The following NEK11 variants were observed in gnomAD, a reference collection of about 807,000 sequenced individuals.
NEK11 encodes serine/threonine-protein kinase Nek11.
NEK11 carries 72 observed loss-of-function variants against 80.7 expected under a neutral mutation model. The observed-to-expected ratio is 0.89, with a 90% CI of 0.74 to 1.08. NEK11 has a LOEUF of 1.08. Among genes scored for constraint, NEK11 ranks in the 50% least tolerant of loss-of-function variants. The pLI is 0.00. For missense variants in NEK11, 764 were observed against 763.6 expected (o/e 1.00, Z -0.01); for synonymous variants, 251 against 260.7 (o/e 0.96, Z 0.36).
At chr3:131,337,685 A>T (rs898516093) in intron 17 of NEK11, among the ~76,000 whole-genome samples, 2 of 152,104 alleles carry the variant, frequency 1.3e-5, no homozygotes, top group Non-Finnish European at 2.9e-5. Context: ...AAATTGTTCC[A>T]GAAGTTAATG....
intron 17 of NEK11, among the ~76,000 whole-genome samples, chr3:131,309,609 AT>A (rs11381029): frequency 1.3e-3 from 198 of 149,254 alleles, no homozygotes; most frequent in African/African-American, 4.0e-3. Flanking sequence ...AATGCTTTCT[AT>A]TTTTTTTTTT....
intron 10 of NEK11, among the ~76,000 whole-genome samples, chr3:131,156,007 A>T (rs1020468732): frequency 6.6e-6 from 1 of 152,198 alleles, no homozygotes; most frequent in African/African-American, 2.4e-5. Context: ...CGAAATTTCC[A>T]ATTGTATTTT....
chr3:131,274,987 G>A (rs1294634713), intron 17 of NEK11, among the ~76,000 whole-genome samples: 3 of 151,246 alleles, frequency 2.0e-5, no homozygotes, highest in African/African-American at 7.3e-5. Flanking sequence ...CATTCTAACT[G>A]GTGTGAGATG....
chr3:131,140,688 A>C (rs2086693740), intron 7 of NEK11, among the ~76,000 whole-genome samples: 1 of 152,180 alleles, frequency 6.6e-6, no homozygotes, highest in African/African-American at 2.4e-5. Context: ...CAAAAGGCTC[A>C]ATAAATTGCT....
intron 3 of NEK11, among the ~76,000 whole-genome samples, chr3:131,076,110 G>A (rs2074305219): frequency 2.6e-5 from 4 of 152,206 alleles, no homozygotes; most frequent in Non-Finnish European, 4.4e-5. Flanking sequence ...AAGCTCAAGA[G>A]AGGCTGGGAG....
rs141484842 is a variant in NEK11 at position 131,049,799 on chromosome 3, A to G, written c.170+19921A>G. 1.1e-4 allele frequency among the ~76,000 whole-genome samples: 16 copies of G among 152,280 alleles called. No homozygotes were observed. The East Asian group carries it at 3.1e-3, about 29-fold the overall frequency. On this transcript the variant is annotated intron_variant, in intron 3 of 17. Coordinates refer to ENST00000383366, the MANE Select transcript of NEK11 (RefSeq NM_024800.5). ...TTCAAACTGCATTTTCTAAAAGTAG[A>G]GATCTTCTGAGGATTTTTTTGTTTT...
At chr3:131,186,096 G>A (rs114385770) in intron 14 of NEK11, among the ~76,000 whole-genome samples, 30 of 152,278 alleles carry the variant, frequency 2.0e-4, no homozygotes, top group Admixed American at 5.9e-4. Context: ...TACAATCAGT[G>A]TCAAAGCAAG....
intron 17 of NEK11, among the ~76,000 whole-genome samples, chr3:131,288,899 A>T (rs866233461): frequency 2.0e-5 from 3 of 152,194 alleles, no homozygotes; most frequent in African/African-American, 7.2e-5. Context: ...TGCTTTGTGA[A>T]ATGCAAGGGT....
chr3:131,314,422 A>C (rs2096815517), intron 17 of NEK11, among the ~76,000 whole-genome samples: 1 of 152,190 alleles, frequency 6.6e-6, no homozygotes, highest in African/African-American at 2.4e-5. Context: ...TTGAAAAGGA[A>C]TCCTACCCAG....
At chr3:131,138,667 T>C (rs2086168802) in intron 7 of NEK11, among the ~76,000 whole-genome samples, 2 of 152,096 alleles carry the variant, frequency 1.3e-5, no homozygotes, top group Admixed American at 6.5e-5. Context: ...CACCCCCAGT[T>C]CCAGGCAACT....
At chr3:131,092,734 C>G (rs978295818) in intron 4 of NEK11, 1 of 152,106 alleles carries the variant, frequency 6.6e-6, no homozygotes, top group Non-Finnish European at 1.5e-5. Flanking sequence ...TACATTTATG[C>G]CAAGCCAAAG....
chr3:131,152,856 CG>C, intron 9 of NEK11, 147 bp downstream of exon 9: 1 of 626,674 alleles, frequency 1.6e-6, no homozygotes. Context: ...GAGGCCGAGG[CG>C]GATGGATCAC....
chr3:131,115,024 T>C (rs369283088), intron 5 of NEK11, among the ~76,000 whole-genome samples: 3 of 152,188 alleles, frequency 2.0e-5, no homozygotes, highest in African/African-American at 7.2e-5. Context: ...GAATTACACA[T>C]TGTTTACAGG....
Position 131,218,175 on chromosome 3 carries a change from T to G in NEK11, c.1400-10353T>G, listed in dbSNP as rs150154233. Among the ~76,000 whole-genome samples, 13 of 152,348 alleles carry G rather than the reference T, an allele frequency of 8.5e-5. No individual in the cohort carries two copies. In the East Asian group the frequency reaches 2.5e-3, roughly 29 times the overall value. The stretch of plus-strand genomic sequence containing the variant: ...ATGAGTCAAGATATTTTTATTATAA[T>G]GTCCAAGTCTTTAGATGGGTTCCTT... On this transcript the variant is annotated intron_variant, in intron 14 of 17. Transcript: ENST00000383366.
At chr3:131,189,198 G>C (rs1224271580) in intron 14 of NEK11, among the ~76,000 whole-genome samples, 3 of 152,100 alleles carry the variant, frequency 2.0e-5, no homozygotes, top group African/African-American at 7.2e-5. Flanking sequence ...CCTGATTTTG[G>C]ACTTCTGACC....
Position 131,113,041 on chromosome 3 carries a change from A to ATGAGATTGTGAGACC in NEK11, c.455+3122_455+3136dup, listed in dbSNP as rs2080388782. 2.0e-5 allele frequency among the ~76,000 whole-genome samples: 3 copies of ATGAGATTGTGAGACC among 152,280 alleles called. No homozygotes were observed. The South Asian group carries it at 6.2e-4, about 32-fold the overall frequency. On this transcript the variant is annotated intron_variant, in intron 5 of 17. Coordinates refer to ENST00000383366, the MANE Select transcript of NEK11 (RefSeq NM_024800.5). ...CAAGAACCTTTTATAATATCCATGC[A>ATGAGATTGTGAGACC]TGAGATTGTGAGACCTAAACCAAGC... is the stretch of plus-strand genomic sequence containing the variant.
Position 131,246,878 on chromosome 3 carries a change from T to G in NEK11, c.1621+3382T>G, listed in dbSNP as rs191736158. 5.1e-4 allele frequency among the ~76,000 whole-genome samples: 78 copies of G among 151,824 alleles called. 1 individual carries two copies. In the East Asian group the frequency reaches 0.013, roughly 25 times the overall value. On this transcript the variant is annotated intron_variant, in intron 16 of 17. Coordinates refer to ENST00000383366, the MANE Select transcript of NEK11 (RefSeq NM_024800.5). ...CCCTGATACTTAGTGATGTTGAGCA[T>G]TTTTTCATATGCTTGTTGGCCATTT...
intron 3 of NEK11, among the ~76,000 whole-genome samples, chr3:131,031,603 A>C (rs1336766254): frequency 2.0e-5 from 3 of 152,206 alleles, no homozygotes; most frequent in Non-Finnish European, 1.5e-5. Flanking sequence ...TTAAGATAAT[A>C]AGTGAGTGGA....
chr3:131,215,305 G>A (rs920672099), intron 14 of NEK11, among the ~76,000 whole-genome samples: 4 of 151,442 alleles, frequency 2.6e-5, no homozygotes, highest in African/African-American at 9.7e-5. Flanking sequence ...GATAGCATTA[G>A]GAGATATACC....
Sources: gnomAD v4.1 joint callset for allele counts (sites outside exome capture counted in the v4.1 genomes callset) on GRCh38, gnomAD v4.1.1 for gene constraint, MANE v1.5 for transcripts, NCBI Gene and HGNC (gene_info 2026-07-23, HGNC 2026-07-21) for gene names.